RALGPS1: variants seen among roughly 807,000 people sequenced by gnomAD.
The protein encoded by RALGPS1 is ras-specific guanine nucleotide-releasing factor RalGPS1.
In RALGPS1, 19 loss-of-function variants were observed where a neutral mutation model predicts 78.8. The observed-to-expected ratio is 0.24, with a 90% CI of 0.17 to 0.35. RALGPS1 has a LOEUF of 0.35. RALGPS1 is among the 10% of genes least tolerant of loss of function. RALGPS1 has a pLI of 1.00. For synonymous variants in RALGPS1, 228 were observed against 256.3 expected, an observed-to-expected ratio of 0.89 and a Z score of 1.06; for missense variants, 454 against 688.3, an observed-to-expected ratio of 0.66 and a Z score of 3.81.
intron 8 of RALGPS1, among the ~76,000 whole-genome samples, chr9:127,113,218 A>C (rs1025971141): frequency 6.6e-6 from 1 of 152,226 alleles, no homozygotes; most frequent in Non-Finnish European, 1.5e-5. Context: ...TTGCAACCCA[A>C]ACAGGCTCAG....
chr9:126,995,540 A>G (rs921735370), intron 4 of RALGPS1, among the ~76,000 whole-genome samples: 2 of 152,244 alleles, frequency 1.3e-5, no homozygotes, highest in East Asian at 1.9e-4. Flanking sequence ...GCACGTCCTT[A>G]GTGACCTACA....
intron 3 of RALGPS1, among the ~76,000 whole-genome samples, chr9:126,975,906 A>G (rs564825418): frequency 9.2e-5 from 14 of 152,270 alleles, no homozygotes; most frequent in Admixed American, 9.1e-4. Flanking sequence ...GGCTGGTGGC[A>G]GCATCTCACC....
chr9:127,196,657 TA>T (rs2061362836), intron 13 of RALGPS1, 26 bp downstream of exon 13: 1 of 1,560,602 alleles, frequency 6.4e-7, no homozygotes, highest in African/African-American at 1.4e-5. Context: ...CTGCACATGA[TA>T]GGCTGGTGGG....
At chr9:126,933,645 TTC>T (rs1368394053) in intron 1 of RALGPS1, among the ~76,000 whole-genome samples, 2 of 152,142 alleles carry the variant, frequency 1.3e-5, no homozygotes, top group Admixed American at 6.5e-5. Flanking sequence ...AGAAGTCACC[TTC>T]TCTCAGTGAA....
At chr9:127,097,690 A>T (rs2053286637) in intron 8 of RALGPS1, among the ~76,000 whole-genome samples, 2 of 152,242 alleles carry the variant, frequency 1.3e-5, no homozygotes, top group African/African-American at 2.4e-5. Flanking sequence ...GTAACATATA[A>T]ATAATACTGT....
chr9:127,111,505 C>T (rs1432926949), intron 8 of RALGPS1, among the ~76,000 whole-genome samples: 1 of 152,196 alleles, frequency 6.6e-6, no homozygotes, highest in Non-Finnish European at 1.5e-5. Context: ...AGCTGCTGAG[C>T]AGCTGGGAGT....
At chr9:127,070,870 AAATT>A (rs1294246426) in intron 8 of RALGPS1, among the ~76,000 whole-genome samples, 1 of 151,774 alleles carries the variant, frequency 6.6e-6, no homozygotes, top group Admixed American at 6.6e-5. Context: ...TTTTAATTAA[AAATT>A]AATTAGAATA....
At chr9:126,934,639 T>G (rs554171561) in intron 1 of RALGPS1, among the ~76,000 whole-genome samples, 23 of 152,300 alleles carry the variant, frequency 1.5e-4, no homozygotes, top group South Asian at 6.2e-4. Context: ...TGGGGTTTTC[T>G]CTATTGGTTC....
chr9:127,015,076 C>A (rs1450286036), intron 4 of RALGPS1, among the ~76,000 whole-genome samples: 1 of 152,152 alleles, frequency 6.6e-6, no homozygotes, highest in East Asian at 1.9e-4. Context: ...AGTTCTCTTC[C>A]TTCCCTGTCT....
chr9:127,025,246 G>C (rs1467131812), intron 4 of RALGPS1, among the ~76,000 whole-genome samples: 1 of 152,212 alleles, frequency 6.6e-6, no homozygotes, highest in East Asian at 1.9e-4. Flanking sequence ...TTTTGTTGCT[G>C]AGTAGTATTG....
At chr9:126,920,682 G>A (rs375913898) in intron 1 of RALGPS1, among the ~76,000 whole-genome samples, 2 of 152,154 alleles carry the variant, frequency 1.3e-5, no homozygotes. Flanking sequence ...CTTCAGGTGG[G>A]CATTCATTAA....
intron 5 of RALGPS1, among the ~76,000 whole-genome samples, chr9:127,045,894 A>C (rs1042398974): frequency 6.6e-6 from 1 of 152,114 alleles, no homozygotes; most frequent in South Asian, 2.1e-4. Flanking sequence ...CTTGGTTTCT[A>C]ATACTGTTAT....
In RALGPS1 at chr9:127,039,985, C is replaced by T. The variant is rs1018631989; in HGVS notation, c.300+5471C>T. Among the ~76,000 whole-genome samples, 5 of 152,212 alleles carry T rather than the reference C, an allele frequency of 3.3e-5. No individual in the cohort carries two copies. In the East Asian group the frequency reaches 5.8e-4, roughly 18 times the overall value. On this transcript the variant is annotated intron_variant, in intron 5 of 18. Coordinates refer to ENST00000259351, the MANE Select transcript of RALGPS1 (RefSeq NM_014636.3). ...TAGTAGGTGGTTTTCTCTAGTTGCA[C>T]TTCTCAGCCTAGGAGTAGGTGCATG...
Position 127,110,534 on chromosome 9 carries a change from G to A in RALGPS1, c.610+41178G>A, listed in dbSNP as rs570674088. On this transcript the variant is annotated intron_variant, in intron 8 of 18. Transcript: ENST00000259351. The stretch of plus-strand genomic sequence containing the variant: ...ACTGATTACATCCGCATTTATTTCT[G>A]GAACTCTCCCCAGGACTCTAGACTC... Among the ~76,000 whole-genome samples the A allele has an allele frequency of 2.6e-5, 4 of 152,260 alleles. No individual in the cohort carries two copies. In the East Asian group the frequency reaches 7.7e-4, roughly 29 times the overall value.
intron 8 of RALGPS1, among the ~76,000 whole-genome samples, chr9:127,150,349 G>A (rs935054467): frequency 2.0e-5 from 3 of 152,326 alleles, no homozygotes; most frequent in Non-Finnish European, 1.5e-5. Context: ...AACCCTCACC[G>A]AAGGAGAGAA....
chr9:127,072,013 A>G (rs2050245356), intron 8 of RALGPS1, among the ~76,000 whole-genome samples: 1 of 152,190 alleles, frequency 6.6e-6, no homozygotes, highest in African/African-American at 2.4e-5. Context: ...TTAGGCAACT[A>G]TTAATCTACT....
intron 18 of RALGPS1, among the ~76,000 whole-genome samples, chr9:127,215,568 A>G (rs1355274301): frequency 6.6e-6 from 1 of 152,240 alleles, no homozygotes; most frequent in African/African-American, 2.4e-5. Context: ...ATTAGTGAGC[A>G]GTGGAGCTGG....
At chr9:126,996,247 G>A (rs2042743782) in intron 4 of RALGPS1, among the ~76,000 whole-genome samples, 1 of 151,932 alleles carries the variant, frequency 6.6e-6, no homozygotes, top group Non-Finnish European at 1.5e-5. Flanking sequence ...CCAGGAGCTG[G>A]TTTTTTTGAA....
chr9:126,975,296 G>A (rs1476494328), intron 3 of RALGPS1, among the ~76,000 whole-genome samples: 1 of 152,214 alleles, frequency 6.6e-6, no homozygotes, highest in African/African-American at 2.4e-5. Flanking sequence ...TGAGCAGAGA[G>A]CAGAATATTT....
Sources: allele counts gnomAD v4.1 joint callset (sites outside exome capture counted in the v4.1 genomes callset), GRCh38; gene constraint gnomAD v4.1.1; transcripts MANE v1.5; gene names NCBI Gene and HGNC (gene_info 2026-07-23, HGNC 2026-07-21).